Variants in PDE4D observed in about 807,000 individuals in gnomAD.
PDE4D encodes phosphodiesterase 4D, also known as 3',5'-cyclic-AMP phosphodiesterase 4D.
A neutral mutation model predicts 87.4 loss-of-function variants in PDE4D; 24 were observed. That is an observed-to-expected ratio of 0.27 (90% CI 0.20 to 0.39). The LOEUF (loss-of-function observed/expected upper bound fraction) is 0.39. Ranked by LOEUF, PDE4D falls within the 10% of genes least tolerant of loss-of-function variation. PDE4D has a pLI of 1.00. For synonymous variants in PDE4D, 384 were observed against 383.2 expected (o/e 1.00, Z -0.02); for missense variants, 714 against 1,041.0 (o/e 0.69, Z 4.32).
At chr5:58,997,205 A>G (rs1749420467) in intron 6 of PDE4D, among the ~76,000 whole-genome samples, 1 of 152,166 alleles carries the variant, frequency 6.6e-6, no homozygotes, top group Non-Finnish European at 1.5e-5. Context: ...TATCCATATA[A>G]AAGTTTCAGT....
Position 60,224,996 on chromosome 5 carries a change from G to A in PDE4D, c.-89-39309C>T, listed in dbSNP as rs569906760. Among the ~76,000 whole-genome samples the A allele has an allele frequency of 5.9e-5, 9 of 152,094 alleles. No individual in the cohort carries two copies. The South Asian group carries it at 1.9e-3, about 32-fold the overall frequency. ...ATTCAACTGGTGTCATACTATCCCA[G>A]GATATGACAAAATTCCAGCATCTGG... is the stretch of plus-strand genomic sequence containing the variant. On this transcript the variant is annotated intron_variant, in intron 1 of 16. Transcript: ENST00000502484.
At chr5:60,101,721 A>G (rs1776238187) in intron 2 of PDE4D, among the ~76,000 whole-genome samples, 1 of 152,160 alleles carries the variant, frequency 6.6e-6, no homozygotes, top group Non-Finnish European at 1.5e-5. Context: ...TAGTGGAGTA[A>G]TTGTCTCTAA....
At chr5:59,362,236 T>C (rs544914283) in intron 1 of PDE4D, among the ~76,000 whole-genome samples, 6 of 152,338 alleles carry the variant, frequency 3.9e-5, no homozygotes, top group Admixed American at 6.5e-5. Flanking sequence ...GTAGGAAAAC[T>C]ATTTTTATAC....
chr5:60,511,407 ATAAAG>A (rs965644947), intron 1 of PDE4D, among the ~76,000 whole-genome samples: 2 of 152,140 alleles, frequency 1.3e-5, no homozygotes, highest in Admixed American at 6.5e-5. Flanking sequence ...ACTCTAAAGA[ATAAAG>A]TAAGTTACTT....
At chr5:59,820,428 C>T (rs747486083) in intron 1 of PDE4D, among the ~76,000 whole-genome samples, 44 of 152,294 alleles carry the variant, frequency 2.9e-4, no homozygotes, top group Admixed American at 8.5e-4. Flanking sequence ...ACAATTCTCT[C>T]CTATTTTTTG....
intron 1 of PDE4D, among the ~76,000 whole-genome samples, chr5:59,682,999 A>C (rs1749275230): frequency 6.6e-6 from 1 of 152,238 alleles, no homozygotes. Flanking sequence ...TTGGCTACAC[A>C]GAACATTATT....
chr5:60,364,008 G>A (rs1760309730), intron 1 of PDE4D, among the ~76,000 whole-genome samples: 1 of 152,206 alleles, frequency 6.6e-6, no homozygotes, highest in Admixed American at 6.5e-5. Flanking sequence ...TTACTGGTGA[G>A]TGTTAAGTAG....
intron 1 of PDE4D, among the ~76,000 whole-genome samples, chr5:59,530,786 T>C (rs1296167203): frequency 1.3e-5 from 2 of 152,198 alleles, no homozygotes; most frequent in Admixed American, 6.6e-5. Flanking sequence ...AATAACAAAA[T>C]AATTACAATG....
At position 59,473,074 on chromosome 5, in the gene PDE4D, C is replaced by T. The variant is rs1802704928; in HGVS notation, c.456-257106G>A. 2.6e-5 allele frequency among the ~76,000 whole-genome samples: 3 copies of T among 117,426 alleles called. No individual in the cohort carries two copies. In the South Asian group the frequency reaches 7.8e-4, roughly 30 times the overall value. 77.0% of individuals were successfully genotyped at this position (117,426 alleles called of 152,430 possible). On this transcript the variant is annotated intron_variant, in intron 1 of 14. Transcript: ENST00000340635. ...GTTATACCCAGTTTGAATCATTCTG[C>T]TTTCTCATGAAAAAAAAAAAAAAAA... is the stretch of plus-strand genomic sequence containing the variant.
intron 2 of PDE4D, among the ~76,000 whole-genome samples, chr5:60,172,430 G>T (rs904180876): frequency 6.6e-6 from 1 of 152,008 alleles, no homozygotes; most frequent in East Asian, 1.9e-4. Flanking sequence ...AAAGGGACAG[G>T]TGCTTCACCA....
intron 1 of PDE4D, among the ~76,000 whole-genome samples, chr5:60,511,802 T>C (rs1750588112): frequency 6.6e-6 from 1 of 151,992 alleles, no homozygotes; most frequent in Non-Finnish European, 1.5e-5. Flanking sequence ...AGAAAAAATA[T>C]TTTAAAATAT....
chr5:59,831,180 C>A (rs1213995580), intron 1 of PDE4D, among the ~76,000 whole-genome samples: 4 of 151,670 alleles, frequency 2.6e-5, no homozygotes, highest in Admixed American at 2.0e-4. Flanking sequence ...TGTTGCCTGA[C>A]AAGAAAACAC....
chr5:60,111,611 T>C (rs1419114507), intron 2 of PDE4D, among the ~76,000 whole-genome samples: 1 of 151,982 alleles, frequency 6.6e-6, no homozygotes, highest in Non-Finnish European at 1.5e-5. Context: ...TTTAACTAAT[T>C]AGCATAAGAA....
intron 1 of PDE4D, among the ~76,000 whole-genome samples, chr5:60,258,974 GC>G (rs768550385): frequency 6.6e-6 from 1 of 151,894 alleles, no homozygotes; most frequent in Non-Finnish European, 1.5e-5. Context: ...CTTAACAATG[GC>G]TATTCTTTGG....
At chr5:60,377,979 A>G (rs909841898) in intron 1 of PDE4D, among the ~76,000 whole-genome samples, 6 of 152,228 alleles carry the variant, frequency 3.9e-5, no homozygotes, top group Non-Finnish European at 7.3e-5. Flanking sequence ...CTGGCTCCAG[A>G]AAGTCTGCTC....
At chr5:60,075,391 G>A (rs1242344614) in intron 2 of PDE4D, among the ~76,000 whole-genome samples, 1 of 152,144 alleles carries the variant, frequency 6.6e-6, no homozygotes, top group Admixed American at 6.5e-5. Flanking sequence ...GTGTCAGAAG[G>A]ACTTCCCTTT....
At chr5:59,625,943 C>T (rs994207348) in intron 1 of PDE4D, among the ~76,000 whole-genome samples, 2 of 152,080 alleles carry the variant, frequency 1.3e-5, no homozygotes, top group African/African-American at 4.8e-5. Context: ...AAAAAATTGG[C>T]CAGGCGTGGT....
chr5:59,888,353 T>C (rs1318886316), intron 1 of PDE4D, among the ~76,000 whole-genome samples: 1 of 152,224 alleles, frequency 6.6e-6, no homozygotes, highest in Non-Finnish European at 1.5e-5. Context: ...AAAAAGGTGA[T>C]GGATTCATTA....
At chr5:59,510,208 T>G (rs1382995652) in intron 1 of PDE4D, among the ~76,000 whole-genome samples, 2 of 151,052 alleles carry the variant, frequency 1.3e-5, no homozygotes, top group Non-Finnish European at 3.0e-5. Flanking sequence ...ATAAATATAT[T>G]ATGCATCAAA....
Sources: allele counts gnomAD v4.1 joint callset (sites outside exome capture counted in the v4.1 genomes callset), GRCh38; gene constraint gnomAD v4.1.1; transcripts MANE v1.5; gene names NCBI Gene and HGNC (gene_info 2026-07-23, HGNC 2026-07-21).